The following CUEDC1 variants were observed in gnomAD, a reference collection of about 807,000 sequenced individuals.
CUEDC1 encodes CUE domain-containing protein 1.
In CUEDC1, 30 loss-of-function variants were observed where a neutral mutation model predicts 43.7. That is an observed-to-expected ratio of 0.69 (90% CI 0.51 to 0.93). The LOEUF (loss-of-function observed/expected upper bound fraction) is 0.93, where lower values mean the gene tolerates loss of function less well. Among genes scored for constraint, CUEDC1 ranks in the 40% least tolerant of loss-of-function variants. CUEDC1 has a pLI of 0.00. For synonymous variants in CUEDC1, 223 were observed against 223.6 expected, an observed-to-expected ratio of 1.00 and a Z score of 0.02; for missense variants, 486 against 549.0, an observed-to-expected ratio of 0.89 and a Z score of 1.15.
intron 1 of CUEDC1, among the ~76,000 whole-genome samples, chr17:57,911,627 C>T (rs979701036): frequency 6.6e-6 from 1 of 152,158 alleles, no homozygotes; most frequent in South Asian, 2.1e-4. Context: ...CTCAACCTCC[C>T]GAGTAGCTGG....
intron 1 of CUEDC1, among the ~76,000 whole-genome samples, chr17:57,905,624 C>T (rs2074523079): frequency 1.3e-5 from 2 of 152,226 alleles, no homozygotes; most frequent in African/African-American, 4.8e-5. Flanking sequence ...ACCCACTTGT[C>T]TCTCAATACC....
intron 4 of CUEDC1, among the ~76,000 whole-genome samples, 170 bp downstream of exon 4, chr17:57,873,420 AG>A (rs1421377679): frequency 1.3e-5 from 2 of 152,240 alleles, no homozygotes; most frequent in African/African-American, 2.4e-5. Flanking sequence ...AGGCCCAGGC[AG>A]GAAGTGAGGC....
At chr17:57,926,867 C>T (rs1054220336) in intron 1 of CUEDC1, among the ~76,000 whole-genome samples, 1 of 152,066 alleles carries the variant, frequency 6.6e-6, no homozygotes. Context: ...TGGGGCTCAG[C>T]GGCTGGTGCC....
At chr17:57,925,448 G>A (rs2143129109) in intron 1 of CUEDC1, among the ~76,000 whole-genome samples, 1 of 152,266 alleles carries the variant, frequency 6.6e-6, no homozygotes, top group Non-Finnish European at 1.5e-5. Flanking sequence ...TTCCCAAGGG[G>A]CAGAAGTTCT....
chr17:57,910,033 G>A (rs1345904339), intron 1 of CUEDC1, among the ~76,000 whole-genome samples: 2 of 152,200 alleles, frequency 1.3e-5, no homozygotes, highest in Non-Finnish European at 2.9e-5. Context: ...CTGTTGCCCA[G>A]GCTGGAGTGC....
At chr17:57,874,723 G>A (rs984004912) in intron 3 of CUEDC1, among the ~76,000 whole-genome samples, 1 of 152,172 alleles carries the variant, frequency 6.6e-6, no homozygotes, top group African/African-American at 2.4e-5. Flanking sequence ...GGCTGCTCTA[G>A]CTCTCGGGCC....
At chr17:57,872,586 T>C (rs2074049026) in intron 5 of CUEDC1, 77 bp downstream of exon 5, 3 of 1,531,750 alleles carry the variant, frequency 2.0e-6, no homozygotes, top group Non-Finnish European at 2.7e-6. Context: ...AGCTCAGTGT[T>C]TTCCTGAGCC....
chr17:57,864,532 G>A (rs2073928555), intron 10 of CUEDC1, among the ~76,000 whole-genome samples: 1 of 152,150 alleles, frequency 6.6e-6, no homozygotes, highest in African/African-American at 2.4e-5. Context: ...GAGAGATCAG[G>A]GGAGTGCGTG....
chr17:57,938,947 C>T (rs756093133), intron 1 of CUEDC1, among the ~76,000 whole-genome samples: 1 of 147,302 alleles, frequency 6.8e-6, no homozygotes, highest in Admixed American at 6.9e-5. Context: ...AGGCACGAGC[C>T]ACCGTGCCCA....
At chr17:57,942,866 A>G (rs2074929091) in intron 1 of CUEDC1, among the ~76,000 whole-genome samples, 1 of 151,790 alleles carries the variant, frequency 6.6e-6, no homozygotes, top group Non-Finnish European at 1.5e-5. Flanking sequence ...GTCTCTACTA[A>G]AAATACAAAA....
In CUEDC1 at chr17:57,862,657, T is replaced by C. The variant is rs958193330; in HGVS notation, c.*632A>G. 1 of 151,962 alleles carries C rather than the reference T, an allele frequency of 6.6e-6. No individual in the cohort carries two copies. The highest frequency in any genetic ancestry group is 2.4e-5 in the African/African-American group (1 of 41,282). The allele number at this position is 151,962 out of a possible 1,614,324, so 9.4% of individuals were successfully genotyped here. On this transcript the variant is annotated 3_prime_UTR_variant, in exon 11 of 11. Transcript: ENST00000577830. The stretch of plus-strand genomic sequence containing the variant: ...CAGATGCTTTGCAGTAGCCCATAGC[T>C]CCTCAGAGTTCCTGGGGGACTGGCC...
At position 57,893,349 on chromosome 17, in the gene CUEDC1, A is replaced by ATGTGTGTGTGTGTGTGTGTGTG. The variant is rs147335365; in HGVS notation, c.-315-7492_-315-7471dup. Among the ~76,000 whole-genome samples, 304 of 148,354 alleles carry ATGTGTGTGTGTGTGTGTGTGTG rather than the reference A, an allele frequency of 2.0e-3. 2 individuals carry two copies. The highest frequency in any genetic ancestry group is 7.1e-3 in the Middle Eastern group (2 of 280). ...AGCAAGAGACAGAGGCTCTCAGGGTATGTGTGTGTGTGTGTGTGTGTGTGT... is the reference window on the plus strand; with the variant it reads ...AGCAAGAGACAGAGGCTCTCAGGGTATGTGTGTGTGTGTGTGTGTGTGTGTGTGTGTGTGTGTGTGTGTGTGT... On this transcript the variant is annotated intron_variant, in intron 1 of 10. Coordinates refer to ENST00000577830, the MANE Select transcript of CUEDC1 (RefSeq NM_001271875.2).
intron 9 of CUEDC1, 27 bp from the exon 10 acceptor site, chr17:57,866,571 T>C (rs747684270): frequency 2.5e-6 from 4 of 1,613,416 alleles, no homozygotes; most frequent in Non-Finnish European, 8.5e-7. Flanking sequence ...AGCTGCCTCA[T>C]CCTCTACCCT....
rs2074055418 is a variant in CUEDC1, at chr17:57,872,862, A to T, written c.592-7T>A. On this transcript the variant is annotated splice_region_variant and splice_polypyrimidine_tract_variant and intron_variant, in intron 4 of 10. Coordinates refer to ENST00000577830, the MANE Select transcript of CUEDC1 (RefSeq NM_001271875.2). ...TGGGGCCCCCAGCGTTACCCTGAGG[A>T]GGGAAGCGAGCATGTTGAATGTGTA... 6.2e-7 allele frequency: 1 copy of T among 1,608,270 alleles called. No individual in the cohort carries two copies. The highest frequency in any genetic ancestry group is 1.7e-5 in the Admixed American group (1 of 57,954).
At chr17:57,874,609 C>T (rs1168109617) in intron 3 of CUEDC1, among the ~76,000 whole-genome samples, 1 of 152,170 alleles carries the variant, frequency 6.6e-6, no homozygotes, top group African/African-American at 2.4e-5. Flanking sequence ...CCAGGAGGTC[C>T]CCACAGCTCC....
chr17:57,873,583 CCT>C lies in CUEDC1; in HGVS notation c.591+6_591+7del, dbSNP rs760961094. The C allele has an allele frequency of 1.8e-5, 28 of 1,552,980 alleles. 1 individual carries two copies. Among genetic ancestry groups the C allele is most frequent in the East Asian group, 1.2e-4 (5 of 41,654 alleles). ...GTGGGAGTGGAAGGCGGGGGCGGCC[CCT>C]GTTACCTGTATGCTGTCCAGCTGCT... On this transcript the variant is annotated splice_donor_region_variant and intron_variant, in intron 4 of 10. Transcript: ENST00000577830.
Position 57,868,234 on chromosome 17 carries a change from C to T in CUEDC1, c.950G>A (p.Arg317Lys), listed in dbSNP as rs760352009. ...GGCTCGGGCAAGTTCAAACAGTTTC[C>T]TCCGGGTGGCTGGGGGCAGAGAGAC... ...KLKHMGKSTRRKLFELARAFS... is the reference protein window; with the variant it reads ...KLKHMGKSTRKKLFELARAFS... The change falls in exon 8 of 11, where the codon AGG becomes AAG. Residue 317 changes from arginine to lysine, a missense_variant. Physicochemically the swap from Arg to Lys is conservative, Grantham distance 26. Transcript: ENST00000577830. The T allele has an allele frequency of 1.2e-6, 2 of 1,614,162 alleles. No homozygotes were observed. Among genetic ancestry groups the T allele is most frequent in the Non-Finnish European group, 1.7e-6 (2 of 1,179,988 alleles).
intron 1 of CUEDC1, among the ~76,000 whole-genome samples, chr17:57,905,815 G>A (rs2074525417): frequency 6.6e-6 from 1 of 152,216 alleles, no homozygotes; most frequent in Admixed American, 6.5e-5. Context: ...GGGTGGATAT[G>A]CACCAAATCC....
intron 1 of CUEDC1, among the ~76,000 whole-genome samples, chr17:57,921,100 A>G (rs974978917): frequency 2.0e-5 from 3 of 152,246 alleles, no homozygotes; most frequent in Non-Finnish European, 4.4e-5. Flanking sequence ...TGGAAAGCCA[A>G]GGTAGCGAGT....
Sources: gnomAD v4.1 joint callset for allele counts (sites outside exome capture counted in the v4.1 genomes callset) on GRCh38, gnomAD v4.1.1 for gene constraint, MANE v1.5 for transcripts, NCBI Gene and HGNC (gene_info 2026-07-23, HGNC 2026-07-21) for gene names.